Variants in MICU3 observed in about 807,000 individuals in gnomAD.
The protein encoded by MICU3 is mitochondrial calcium uptake 3, also known as calcium uptake protein 3, mitochondrial.
A neutral mutation model predicts 66.5 loss-of-function variants in MICU3; 62 were observed. The observed-to-expected ratio is 0.93, with a 90% CI of 0.76 to 1.15. The LOEUF is 1.15. MICU3 is among the 50% of genes most tolerant of loss of function. The probability of loss-of-function intolerance (pLI) is 0.00; values close to 1 mark genes in which losing one functional copy is unlikely to be tolerated. For synonymous variants in MICU3, 308 were observed against 240.7 expected (o/e 1.28, Z -2.59); for missense variants, 779 against 664.4 (o/e 1.17, Z -1.90).
chr8:17,125,033 A>G (rs957003462), downstream of MICU3, among the ~76,000 whole-genome samples: 1 of 152,134 alleles, frequency 6.6e-6, no homozygotes, highest in African/African-American at 2.4e-5. Flanking sequence ...TTCTGGAAAA[A>G]AAATGTAATT....
intron 2 of MICU3, among the ~76,000 whole-genome samples, chr8:17,068,532 T>C (rs1055302303): frequency 1.3e-5 from 2 of 152,200 alleles, no homozygotes; most frequent in African/African-American, 4.8e-5. Flanking sequence ...AAGGGAAGTG[T>C]CTTTGCACCA....
chr8:17,118,188 C>T (rs2959600), intron 13 of MICU3, among the ~76,000 whole-genome samples: 37,157 of 152,012 alleles, frequency 0.24, 4,635 homozygotes, highest in East Asian at 0.39. Flanking sequence ...TGCCACTGTA[C>T]TGCTCTCTTA....
the MICU3 span, among the ~76,000 whole-genome samples, chr8:17,129,697 C>G: frequency 6.6e-6 from 1 of 151,964 alleles, no homozygotes; most frequent in African/African-American, 2.4e-5. Flanking sequence ...AATTGGAGAT[C>G]AAGAAGAGGG....
At chr8:17,111,563 A>G (rs1563393917) in intron 11 of MICU3, among the ~76,000 whole-genome samples, 1 of 151,936 alleles carries the variant, frequency 6.6e-6, no homozygotes, top group South Asian at 2.1e-4. Flanking sequence ...TTTGTTCCTT[A>G]TGTGTTTGGT....
At chr8:17,056,747 G>A (rs1816999408) in intron 1 of MICU3, among the ~76,000 whole-genome samples, 3 of 152,356 alleles carry the variant, frequency 2.0e-5, no homozygotes, top group East Asian at 3.9e-4. Flanking sequence ...ATGTGGAGCA[G>A]TCAGTAGCTT....
At chr8:17,131,144 T>C in the MICU3 span, 14 of 152,156 alleles carry the variant, frequency 9.2e-5, no homozygotes, top group African/African-American at 3.4e-4. Flanking sequence ...TAAGAAATGA[T>C]TAGAATAATG....
intron 1 of MICU3, among the ~76,000 whole-genome samples, chr8:17,037,171 G>A (rs558198784): frequency 3.9e-5 from 6 of 152,010 alleles, no homozygotes; most frequent in East Asian, 3.9e-4. Flanking sequence ...AGCGCCACAC[G>A]CAGCCCCAGT....
chr8:17,049,666 G>C, intron 1 of MICU3: 1 of 515,342 alleles, frequency 1.9e-6, no homozygotes, highest in Non-Finnish European at 3.9e-6. Flanking sequence ...AATATAACAA[G>C]TTGTGTAATG....
At chr8:17,103,164 T>TA (rs1801422749) in intron 9 of MICU3, among the ~76,000 whole-genome samples, 1 of 151,820 alleles carries the variant, frequency 6.6e-6, no homozygotes, top group South Asian at 2.1e-4. Context: ...TTTTAATCAT[T>TA]AAAAGAGAAG....
rs111800861 is a variant in MICU3 at position 17,031,262 on chromosome 8, T to TTTTTTTTTATTA, written c.381+3604_381+3605insTTTTTTATTATT. Among the ~76,000 whole-genome samples, 575 of 139,178 alleles carry TTTTTTTTTATTA rather than the reference T, an allele frequency of 4.1e-3. 7 individuals carry two copies. The highest frequency in any genetic ancestry group is 0.015 in the African/African-American group (539 of 37,062). The allele number at this position is 139,178 out of a possible 152,430, so 91.3% of individuals were successfully genotyped here. ...ATTTTAAACCTATGCTGCCACTTCA[T>TTTTTTTTTATTA]TTATTATTATTATTATTATTATTAT... On this transcript the variant is annotated intron_variant, in intron 1 of 14. Transcript: ENST00000318063.
intron 11 of MICU3, among the ~76,000 whole-genome samples, chr8:17,111,651 T>G (rs2150826971): frequency 6.6e-6 from 1 of 152,364 alleles, no homozygotes; most frequent in South Asian, 2.1e-4. Context: ...TAGCTTTAAC[T>G]ATTAAATTTA....
intron 1 of MICU3, among the ~76,000 whole-genome samples, chr8:17,060,227 C>G (rs909988982): frequency 6.6e-6 from 1 of 152,100 alleles, no homozygotes; most frequent in Non-Finnish European, 1.5e-5. Context: ...CTGAGTTCTC[C>G]TAGTTGATAA....
chr8:17,065,478 CAA>C (rs1818537671), intron 2 of MICU3, among the ~76,000 whole-genome samples: 1 of 151,988 alleles, frequency 6.6e-6, no homozygotes, highest in Admixed American at 6.6e-5. Flanking sequence ...TATAGATAAC[CAA>C]AGACTAGGCC....
At chr8:17,130,841 T>G in the MICU3 span, among the ~76,000 whole-genome samples, 18 of 152,330 alleles carry the variant, frequency 1.2e-4, no homozygotes, top group African/African-American at 4.3e-4. Flanking sequence ...ACCAAATTAG[T>G]AATTAATGTT....
chr8:17,044,502 A>G (rs527532087), intron 1 of MICU3, among the ~76,000 whole-genome samples: 1 of 152,192 alleles, frequency 6.6e-6, no homozygotes, highest in African/African-American at 2.4e-5. Context: ...AAAACAAAGC[A>G]CTGAAGACAG....
At chr8:17,076,499 C>T (rs1328926451) in intron 3 of MICU3, among the ~76,000 whole-genome samples, 4 of 152,080 alleles carry the variant, frequency 2.6e-5, no homozygotes, top group African/African-American at 9.7e-5. Flanking sequence ...CTTTTACCTG[C>T]AGTGCAGATA....
At chr8:17,111,401 G>A (rs1802195571) in intron 11 of MICU3, among the ~76,000 whole-genome samples, 1 of 151,738 alleles carries the variant, frequency 6.6e-6, no homozygotes, top group Non-Finnish European at 1.5e-5. Context: ...TACTCACTGC[G>A]ACCTCAAACT....
chr8:17,087,297 G>A (rs904037342), intron 7 of MICU3, among the ~76,000 whole-genome samples: 2 of 151,658 alleles, frequency 1.3e-5, no homozygotes. Context: ...GATTTGAAGG[G>A]TATATCATAC....
chr8:17,064,032 G>T, intron 1 of MICU3, 52 bp from the exon 2 acceptor site: 1 of 1,400,342 alleles, frequency 7.1e-7, no homozygotes, highest in Non-Finnish European at 9.9e-7. Flanking sequence ...GTATCTTCTA[G>T]AGGGAGGTAT....
Sources: gnomAD v4.1 joint callset for allele counts (sites outside exome capture counted in the v4.1 genomes callset) on GRCh38, gnomAD v4.1.1 for gene constraint, MANE v1.5 for transcripts, NCBI Gene and HGNC (gene_info 2026-07-23, HGNC 2026-07-21) for gene names.